EPX: variants seen among roughly 807,000 people sequenced by gnomAD.
EPX encodes eosinophil peroxidase.
In EPX, 60 loss-of-function variants were observed where a neutral mutation model predicts 73.0. The observed-to-expected ratio is 0.82, with a 90% CI of 0.67 to 1.02. EPX has a LOEUF of 1.02. EPX is among the 50% of genes least tolerant of loss of function. The pLI, the probability that EPX is intolerant of heterozygous loss-of-function variation, is 0.00. For synonymous variants in EPX, 347 were observed against 389.2 expected (o/e 0.89, Z 1.28); for missense variants, 950 against 973.9 (o/e 0.98, Z 0.33).
At position 58,192,978 on chromosome 17, in the gene EPX, T is replaced by G. The variant is rs902407846; in HGVS notation, c.76+56T>G. On this transcript the variant is annotated intron_variant, in intron 1 of 12. Transcript: ENST00000225371. Reference sequence around the variant, plus strand: ...GGAGGGGAAATGGAAGGGGAAGCACTTGGGTCTTGGAGGGGGTCTTGTGGC... The same window carrying G: ...GGAGGGGAAATGGAAGGGGAAGCACGTGGGTCTTGGAGGGGGTCTTGTGGC... 6.9e-6 allele frequency: 11 copies of G among 1,598,448 alleles called. No individual in the cohort carries two copies. In the African/African-American group the frequency reaches 1.1e-4, roughly 16 times the overall value.
intron 10 of EPX, among the ~76,000 whole-genome samples, chr17:58,200,719 T>C (rs940631631): frequency 6.6e-6 from 1 of 152,090 alleles, no homozygotes; most frequent in African/African-American, 2.4e-5. Context: ...GAAGAACTGC[T>C]CCATTCCCAA....
In EPX at chr17:58,204,323, C is replaced by T. The variant is rs146224482; in HGVS notation, c.2048C>T (p.Thr683Met). 25 of 1,613,258 alleles carry T rather than the reference C, an allele frequency of 1.5e-5. No individual in the cohort carries two copies. Among genetic ancestry groups the T allele is most frequent in the South Asian group, 2.2e-5 (2 of 91,068 alleles). Reference protein sequence around the residue: ...RIICDNTGITTVSRDIFRANI... With the variant: ...RIICDNTGITMVSRDIFRANI... ...ATATGTGACAATACCGGTATCACCA[C>T]GGTTTCAAGGGACATCTTCAGAGCC... The change falls in exon 12 of 13, where the codon ACG becomes ATG. Residue 683 changes from threonine to methionine, a missense_variant. Thr to Met is a moderately conservative substitution (Grantham distance 81). Coordinates refer to ENST00000225371, the MANE Select transcript of EPX (RefSeq NM_000502.6).
rs374623523 is a variant in EPX at position 58,203,328 on chromosome 17, C to T, written c.1946+10C>T. The T allele has an allele frequency of 3.8e-6, 6 of 1,584,558 alleles. No individual in the cohort carries two copies. The highest frequency in any genetic ancestry group is 5.2e-6 in the Non-Finnish European group (6 of 1,153,096). ...CCCGAGACGGAGACAGGTAAGTGAC[C>T]CTATCATAAAAGACATCAGCACCAG... On this transcript the variant is annotated intron_variant, in intron 11 of 12. Coordinates refer to ENST00000225371, the MANE Select transcript of EPX (RefSeq NM_000502.6).
chr17:58,202,729 A>G, intron 10 of EPX: 1 of 309,768 alleles, frequency 3.2e-6, no homozygotes, highest in Non-Finnish European at 6.2e-6. Context: ...AACCTGATGG[A>G]GAGTCTTTTA....
rs759516695 is a variant in EPX, at chr17:58,193,114, C to T, written c.153C>T (p.Tyr51=). The T allele has an allele frequency of 3.7e-6, 6 of 1,610,946 alleles. No individual in the cohort carries two copies. In the Admixed American group the frequency reaches 5.0e-5, roughly 13 times the overall value. The change falls in exon 2 of 13, where the codon TAC becomes TAT. Residue 51 remains tyrosine, a synonymous_variant. Transcript: ENST00000225371. ...CCAAGTTGCTGGTGGATGCTGCCTA[C>T]AATTGGACCCAGAAGAGGTGGACTT... The part of the protein sequence containing the change: ...AEAKLLVDAA[Y]NWTQKSIKQR...
At position 58,193,116 on chromosome 17, in the gene EPX, A is replaced by G. The variant is rs977713328; in HGVS notation, c.155A>G (p.Asn52Ser). 15 of 1,610,710 alleles carry G rather than the reference A, an allele frequency of 9.3e-6. No individual in the cohort carries two copies. The highest frequency in any genetic ancestry group is 1.1e-5 in the Non-Finnish European group (13 of 1,176,974). ...AAGTTGCTGGTGGATGCTGCCTACA[A>G]TTGGACCCAGAAGAGGTGGACTTGG... ...EAKLLVDAAY[N>S]WTQKSIKQRL... Residue 52 changes from asparagine to serine, a missense_variant, in exon 2 of 13, where the codon AAT becomes AGT. Transcript: ENST00000225371.
rs373564141 is a variant in EPX at position 58,200,433 on chromosome 17, G to A, written c.1708+38G>A. On this transcript the variant is annotated intron_variant, in intron 10 of 12. Transcript: ENST00000225371. ...TCCACCTCTTCTCCCAGCTTTGCTC[G>A]GGCCAGGCTGCTCAAGGGGTTCTGG... The A allele has an allele frequency of 1.3e-4, 204 of 1,604,642 alleles. 1 individual carries two copies. The highest frequency in any genetic ancestry group is 3.6e-4 in the African/African-American group (27 of 74,724).
chr17:58,192,986 T>C, intron 1 of EPX, 52 bp from the exon 2 acceptor site: 1 of 1,595,588 alleles, frequency 6.3e-7, no homozygotes, highest in Non-Finnish European at 8.6e-7. Flanking sequence ...ACTTGGGTCT[T>C]GGAGGGGGTC....
rs774696848 is a variant in EPX at position 58,193,112 on chromosome 17, T to C, written c.151T>C (p.Tyr51His). 3.1e-6 allele frequency: 5 copies of C among 1,611,332 alleles called. No individual in the cohort carries two copies. Among genetic ancestry groups the C allele is most frequent in the African/African-American group, 1.3e-5 (1 of 74,870 alleles). The change falls in exon 2 of 13, where the codon TAC becomes CAC. Residue 51 changes from tyrosine to histidine, a missense_variant. Transcript: ENST00000225371. The stretch of plus-strand genomic sequence containing the variant: ...GGCCAAGTTGCTGGTGGATGCTGCC[T>C]ACAATTGGACCCAGAAGAGGTGGAC... Reference protein sequence around the residue: ...AEAKLLVDAAYNWTQKSIKQR... With the variant: ...AEAKLLVDAAHNWTQKSIKQR...
intron 12 of EPX, 87 bp downstream of exon 12, chr17:58,204,521 T>A: frequency 1.3e-6 from 1 of 796,340 alleles, no homozygotes; most frequent in Non-Finnish European, 2.1e-6. Flanking sequence ...CTTAGGTCTC[T>A]AAGCAGAGAA....
At chr17:58,194,919 G>A in intron 5 of EPX, 45 bp from the exon 6 acceptor site, 2 of 1,481,012 alleles carry the variant, frequency 1.4e-6, no homozygotes, top group Middle Eastern at 1.7e-4. Context: ...ATACCTTGTG[G>A]GGTCAGGGAG....
chr17:58,195,262 T>C, intron 6 of EPX, 92 bp downstream of exon 6: 1 of 999,948 alleles, frequency 1.0e-6, no homozygotes, highest in East Asian at 2.4e-5. Context: ...TGGAGCACCA[T>C]CCTTAAGGAG....
chr17:58,201,898 G>A (rs564452425), intron 10 of EPX, among the ~76,000 whole-genome samples: 1 of 152,278 alleles, frequency 6.6e-6, no homozygotes, highest in South Asian at 2.1e-4. Flanking sequence ...TTTCCACATT[G>A]CGAGCTTCTG....
chr17:58,202,535 C>G (rs369324203), intron 10 of EPX: 8 of 168,330 alleles, frequency 4.8e-5, no homozygotes, highest in African/African-American at 1.9e-4. Context: ...AGTCAATCCC[C>G]ATCCCCACCC....
Position 58,193,528 on chromosome 17 carries a change from G to A in EPX, c.328G>A (p.Gly110Arg), listed in dbSNP as rs373964132. ...AGAGAAGTTACAACCCCAGCGGTCC[G>A]GACCCTTCAATGTCACTGGTACTCT... ...LEEKLQPQRSGPFNVTDVLTE... is the reference protein window; with the variant it reads ...LEEKLQPQRSRPFNVTDVLTE... The change falls in exon 3 of 13, where the codon GGA becomes AGA. Residue 110 changes from glycine to arginine, a missense_variant. Transcript: ENST00000225371. The A allele has an allele frequency of 3.9e-5, 63 of 1,614,112 alleles. No individual in the cohort carries two copies. The highest frequency in any genetic ancestry group is 1.7e-4 in the Middle Eastern group (1 of 6,060).
At chr17:58,195,205 G>A (rs1287681119) in intron 6 of EPX, 35 bp downstream of exon 6, 3 of 1,553,602 alleles carry the variant, frequency 1.9e-6, no homozygotes, top group East Asian at 2.2e-5. Flanking sequence ...ATGCCCTTGT[G>A]TGGCCTCCCC....
At chr17:58,193,325 G>C in intron 2 of EPX, 46 bp from the exon 3 acceptor site, 1 of 1,597,568 alleles carries the variant, frequency 6.3e-7, no homozygotes, top group Non-Finnish European at 8.6e-7. Context: ...TCTGCTGGGT[G>C]GGTCTGCACC....
chr17:58,196,360 G>A (rs1450064443), intron 6 of EPX, among the ~76,000 whole-genome samples: 2 of 152,028 alleles, frequency 1.3e-5, no homozygotes, highest in Admixed American at 6.6e-5. Context: ...CACCTGCCTC[G>A]GCCTCCCAAA....
Position 58,192,873 on chromosome 17 carries a change from GGTCCTGGCCACACTC to G in EPX, c.33_47del (p.Thr13_Ala17del), listed in dbSNP as rs1968193910. On this transcript the variant is annotated inframe_deletion, in exon 1 of 13. Coordinates refer to ENST00000225371, the MANE Select transcript of EPX (RefSeq NM_000502.6). ...TGCATCTGCTCCCAGCCCTGGCAGG[GGTCCTGGCCACACTC>G]GTCCTCGCCCAGCCCTGTGAGGGCA... 5.6e-6 allele frequency: 9 copies of G among 1,614,012 alleles called. No homozygotes were observed. The highest frequency in any genetic ancestry group is 7.6e-6 in the Non-Finnish European group (9 of 1,180,000).
Sources: allele counts gnomAD v4.1 joint callset (sites outside exome capture counted in the v4.1 genomes callset), GRCh38; gene constraint gnomAD v4.1.1; transcripts MANE v1.5; gene names NCBI Gene and HGNC (gene_info 2026-07-23, HGNC 2026-07-21).